Variants in SLC12A2 observed in about 807,000 individuals in gnomAD.
SLC12A2 encodes the protein solute carrier family 12 member 2.
SLC12A2 carries 67 observed loss-of-function variants against 136.3 expected under a neutral mutation model. The ratio of observed to expected loss-of-function variants is 0.49; its 90% CI spans 0.40 to 0.60. The LOEUF is 0.60. Ranked by LOEUF, SLC12A2 falls within the 20% of genes least tolerant of loss-of-function variation. The pLI, the probability that SLC12A2 is intolerant of heterozygous loss-of-function variation, is 0.00. For missense variants in SLC12A2, 1,322 were observed against 1,534.7 expected, an observed-to-expected ratio of 0.86 and a Z score of 2.32; for synonymous variants, 619 against 562.9, an observed-to-expected ratio of 1.10 and a Z score of -1.41.
rs549154969 is a variant in SLC12A2 at position 128,134,827 on chromosome 5, G to A, written c.1299+552G>A. 7.7e-4 allele frequency among the ~76,000 whole-genome samples: 117 copies of A among 152,138 alleles called. 1 individual carries two copies. In the South Asian group the frequency reaches 0.021, roughly 27 times the overall value. ...TCATAGCACAGCTGTAGTTTCCCAA[G>A]TAATGGATATCCACAAAGGTGTTTA... On this transcript the variant is annotated intron_variant, in intron 6 of 26. Coordinates refer to ENST00000262461, the MANE Select transcript of SLC12A2 (RefSeq NM_001046.3).
At chr5:128,088,442 C>T (rs1476702972) in intron 1 of SLC12A2, among the ~76,000 whole-genome samples, 1 of 152,114 alleles carries the variant, frequency 6.6e-6, no homozygotes, top group Admixed American at 6.6e-5. Context: ...TGGACATCTT[C>T]AACATGTATG....
At chr5:128,105,943 A>G (rs1363617384) in intron 1 of SLC12A2, among the ~76,000 whole-genome samples, 4 of 152,154 alleles carry the variant, frequency 2.6e-5, no homozygotes, top group African/African-American at 9.7e-5. Context: ...TAATTGTCCC[A>G]TAGCTCCTCA....
chr5:128,109,724 T>C, intron 1 of SLC12A2: 1 of 1,164,762 alleles, frequency 8.6e-7, no homozygotes, highest in Non-Finnish European at 1.3e-6. Flanking sequence ...AGAGGAGCAA[T>C]TCACTAGAGT....
chr5:128,103,880 T>C (rs1359792822), intron 1 of SLC12A2, among the ~76,000 whole-genome samples: 2 of 152,182 alleles, frequency 1.3e-5, no homozygotes, highest in African/African-American at 4.8e-5. Context: ...TGGGGTATTA[T>C]AAAATTCAAG....
At chr5:128,177,053 T>C in intron 20 of SLC12A2, 52 bp from the exon 21 acceptor site, 1 of 1,099,208 alleles carries the variant, frequency 9.1e-7, no homozygotes, top group Non-Finnish European at 1.3e-6. Flanking sequence ...TTTATTATTT[T>C]ATTAATATAA....
chr5:128,164,905 T>G (rs1763154298), intron 17 of SLC12A2, among the ~76,000 whole-genome samples: 1 of 150,660 alleles, frequency 6.6e-6, no homozygotes, highest in South Asian at 2.1e-4. Flanking sequence ...TGGAGTGCAG[T>G]AGCTGTAGCT....
Position 128,173,051 on chromosome 5 carries a change from G to C in SLC12A2, c.2803+1305G>C, listed in dbSNP as rs1490574020. Among the ~76,000 whole-genome samples, 9 of 151,558 alleles carry C rather than the reference G, an allele frequency of 5.9e-5. No individual in the cohort carries two copies. In the South Asian group the frequency reaches 1.3e-3, roughly 21 times the overall value. On this transcript the variant is annotated intron_variant, in intron 19 of 26. Transcript: ENST00000262461. ...ATACTTTAAGAAATTATAAGCTTAA[G>C]AAAATTTACATATATAACATATTAC... is the stretch of plus-strand genomic sequence containing the variant.
chr5:128,183,809 A>G (rs1023042557), intron 24 of SLC12A2, among the ~76,000 whole-genome samples: 17 of 152,044 alleles, frequency 1.1e-4, no homozygotes, highest in African/African-American at 3.4e-4. Context: ...GGATCATGTT[A>G]GCTACTATGG....
chr5:128,138,110 T>A lies in SLC12A2; in HGVS notation c.1409-487T>A, dbSNP rs560153283. Reference sequence around the variant, plus strand: ...GTGCCACCACTCCTGGCTAATTTTTTAATTATTTCTAGAGTCAAGGTCTTC... The same window carrying A: ...GTGCCACCACTCCTGGCTAATTTTTAAATTATTTCTAGAGTCAAGGTCTTC... On this transcript the variant is annotated intron_variant, in intron 7 of 26. Coordinates refer to ENST00000262461, the MANE Select transcript of SLC12A2 (RefSeq NM_001046.3). Among the ~76,000 whole-genome samples the A allele has an allele frequency of 2.2e-3, 341 of 152,154 alleles. 3 individuals carry two copies. Among genetic ancestry groups the A allele is most frequent in the Admixed American group, 3.5e-3 (53 of 15,282 alleles).
chr5:128,121,575 G>A (rs1024839587), intron 4 of SLC12A2, among the ~76,000 whole-genome samples: 7 of 152,080 alleles, frequency 4.6e-5, no homozygotes, highest in African/African-American at 1.7e-4. Flanking sequence ...GCCCGCCTCA[G>A]CCTCCCAAAG....
chr5:128,116,821 C>G (rs1368028345), intron 4 of SLC12A2, among the ~76,000 whole-genome samples: 1 of 152,094 alleles, frequency 6.6e-6, no homozygotes, highest in Admixed American at 6.5e-5. Flanking sequence ...TTAGTGTTTT[C>G]AAGAGATTCT....
intron 18 of SLC12A2, 94 bp downstream of exon 18, chr5:128,167,961 C>A (rs1397275547): frequency 1.6e-6 from 1 of 644,912 alleles, no homozygotes. Flanking sequence ...CTCATATAGT[C>A]TCTTGTAATG....
At chr5:128,149,958 C>A in intron 12 of SLC12A2, 39 bp from the exon 13 acceptor site, 1 of 1,329,948 alleles carries the variant, frequency 7.5e-7, no homozygotes, top group Non-Finnish European at 1.1e-6. Context: ...AGTTAAATGT[C>A]TAATACGTCA....
intron 18 of SLC12A2, among the ~76,000 whole-genome samples, chr5:128,171,288 G>T (rs374612676): frequency 3.9e-5 from 6 of 152,044 alleles, no homozygotes; most frequent in Admixed American, 2.6e-4. Flanking sequence ...GTTTTTGTGT[G>T]TGTGTCTTCA....
intron 17 of SLC12A2, among the ~76,000 whole-genome samples, chr5:128,165,933 C>A (rs947003158): frequency 1.7e-4 from 15 of 87,838 alleles, no homozygotes; most frequent in African/African-American, 5.9e-4. Context: ...CCCCCCCCCC[C>A]AGTTAAAAAT....
intron 24 of SLC12A2, among the ~76,000 whole-genome samples, chr5:128,183,238 C>T (rs1263483409): frequency 6.6e-6 from 1 of 152,098 alleles, no homozygotes; most frequent in Middle Eastern, 3.4e-3. Context: ...CTCTACATAC[C>T]TATTACTTTC....
In SLC12A2 at chr5:128,151,418, T is replaced by G. The variant is rs1476168635; in HGVS notation, c.2263+22T>G. Reference sequence around the variant, plus strand: ...CCAGGTCAGTAGCCTTTTTTGTTTATATCCCAAGCTAGAAAACATCTAGAA... The same window carrying G: ...CCAGGTCAGTAGCCTTTTTTGTTTAGATCCCAAGCTAGAAAACATCTAGAA... On this transcript the variant is annotated intron_variant, in intron 14 of 26. Transcript: ENST00000262461. The G allele has an allele frequency of 2.5e-6, 4 of 1,593,532 alleles. No homozygotes were observed. The South Asian group carries it at 4.6e-5, about 19-fold the overall frequency.
Position 128,088,022 on chromosome 5 carries a change from T to TACAC in SLC12A2, c.756+3312_756+3313insACAC, listed in dbSNP as rs1760166184. ...GGAGGAGGCTCTGTGTGTGTGTGTG[T>TACAC]GTGTGTGTGTGTGTGTGTCTGTATA... is the stretch of plus-strand genomic sequence containing the variant. On this transcript the variant is annotated intron_variant, in intron 1 of 26. Transcript: ENST00000262461. 4.0e-5 allele frequency among the ~76,000 whole-genome samples: 6 copies of TACAC among 151,334 alleles called. No individual in the cohort carries two copies. The South Asian group carries it at 1.3e-3, about 32-fold the overall frequency.
intron 17 of SLC12A2, among the ~76,000 whole-genome samples, chr5:128,163,860 C>G (rs1371727957): frequency 6.6e-6 from 1 of 152,078 alleles, no homozygotes; most frequent in African/African-American, 2.4e-5. Context: ...CTGTGTTTCT[C>G]ATGTTTCTTA....
Sources: allele counts gnomAD v4.1 joint callset (sites outside exome capture counted in the v4.1 genomes callset), GRCh38; gene constraint gnomAD v4.1.1; transcripts MANE v1.5; gene names NCBI Gene and HGNC (gene_info 2026-07-23, HGNC 2026-07-21).